KIF3B: variants seen among roughly 807,000 people sequenced by gnomAD.
The protein encoded by KIF3B is kinesin family member 3B.
KIF3B carries 38 observed loss-of-function variants against 74.3 expected under a neutral mutation model. The ratio of observed to expected loss-of-function variants is 0.51; its 90% CI spans 0.39 to 0.67. The LOEUF (loss-of-function observed/expected upper bound fraction) is 0.67, where lower values mean the gene tolerates loss of function less well. Among genes scored for constraint, KIF3B ranks in the 30% least tolerant of loss-of-function variants. KIF3B has a pLI of 0.00. For missense variants in KIF3B, 649 were observed against 932.0 expected (o/e 0.70, Z 3.95); for synonymous variants, 326 against 342.5 (o/e 0.95, Z 0.53).
At chr20:32,293,306 A>G (rs914959059) in intron 1 of KIF3B, among the ~76,000 whole-genome samples, 2 of 151,852 alleles carry the variant, frequency 1.3e-5, no homozygotes, top group Non-Finnish European at 2.9e-5. Context: ...AAAAGAAAGG[A>G]AAAAGAAGCA....
intron 5 of KIF3B, among the ~76,000 whole-genome samples, chr20:32,323,066 ATATT>A (rs1490126225): frequency 9.7e-5 from 3 of 30,818 alleles, no homozygotes. Context: ...ATATTTATAT[ATATT>A]TATATATTTA....
chr20:32,327,667 A>G lies in KIF3B; in HGVS notation c.1968+6A>G. On this transcript the variant is annotated splice_donor_region_variant and intron_variant, in intron 7 of 8. Coordinates refer to ENST00000375712, the MANE Select transcript of KIF3B (RefSeq NM_004798.4). ...GTCCAGAGGCCCGATATAGGGTGAG[A>G]AGATCCTTCTTGGGTTTTTCTCCTG... 1 of 1,607,968 alleles carries G rather than the reference A, an allele frequency of 6.2e-7. No individual in the cohort carries two copies. The highest frequency in any genetic ancestry group is 8.5e-7 in the Non-Finnish European group (1 of 1,175,106).
chr20:32,327,804 A>T (rs2047911606), intron 7 of KIF3B, 143 bp downstream of exon 7: 1 of 533,538 alleles, frequency 1.9e-6, no homozygotes, highest in South Asian at 2.2e-5. Context: ...ATTATAACAA[A>T]TAATAAATAA....
intron 1 of KIF3B, among the ~76,000 whole-genome samples, chr20:32,296,601 A>T (rs886891082): frequency 6.7e-6 from 1 of 149,194 alleles, no homozygotes; most frequent in Non-Finnish European, 1.5e-5. Context: ...CGGTCTGAAG[A>T]AAAAAAAAAG....
chr20:32,296,227 T>C (rs1310250151), intron 1 of KIF3B, among the ~76,000 whole-genome samples: 2 of 152,092 alleles, frequency 1.3e-5, no homozygotes, highest in African/African-American at 4.8e-5. Flanking sequence ...GAAAAATGAG[T>C]AACCCCTGTA....
At chr20:32,285,319 TCTAAGCTGTTTCTTGA>T (rs1282037211) in intron 1 of KIF3B, among the ~76,000 whole-genome samples, 1 of 152,126 alleles carries the variant, frequency 6.6e-6, no homozygotes, top group Non-Finnish European at 1.5e-5. Flanking sequence ...GTCATTTAGC[TCTAAGCTGTTTCTTGA>T]TTCTGGTGAT....
At chr20:32,307,847 A>G (rs1244785636) in intron 1 of KIF3B, among the ~76,000 whole-genome samples, 1 of 147,118 alleles carries the variant, frequency 6.8e-6, no homozygotes, top group African/African-American at 2.5e-5. Context: ...TGAACCCAGG[A>G]GGCGGAGCTT....
Position 32,321,428 on chromosome 20 carries a change from C to CAA in KIF3B, c.1748+4567_1748+4568dup, listed in dbSNP as rs566740586. The stretch of plus-strand genomic sequence containing the variant: ...TGGGCAACAGAGCAAGACTCTGTCT[C>CAA]AAAAAAAAAAAAAAGAAAGTCAGTT... On this transcript the variant is annotated intron_variant, in intron 5 of 8. Transcript: ENST00000375712. Among the ~76,000 whole-genome samples, 472 of 125,860 alleles carry CAA rather than the reference C, an allele frequency of 3.8e-3. 2 individuals carry two copies. Among genetic ancestry groups the CAA allele is most frequent in the African/African-American group, 0.012 (450 of 36,504 alleles). The allele number at this position is 125,860 out of a possible 152,430, so 82.6% of individuals were successfully genotyped here.
At chr20:32,321,440 AAAG>A (rs2047859714) in intron 5 of KIF3B, among the ~76,000 whole-genome samples, 1 of 151,794 alleles carries the variant, frequency 6.6e-6, no homozygotes, top group Admixed American at 6.6e-5. Flanking sequence ...AAAAAAAAAA[AAAG>A]AAAGTCAGTT....
intron 1 of KIF3B, among the ~76,000 whole-genome samples, chr20:32,298,970 C>G (rs1310481617): frequency 2.0e-5 from 3 of 152,168 alleles, no homozygotes; most frequent in Non-Finnish European, 2.9e-5. Flanking sequence ...TCCTATCCCA[C>G]TTTTTAGTAC....
chr20:32,329,167 C>G (rs149602154), intron 7 of KIF3B, among the ~76,000 whole-genome samples: 1 of 152,262 alleles, frequency 6.6e-6, no homozygotes, highest in East Asian at 1.9e-4. Flanking sequence ...CTCGGCCTCC[C>G]AGAGTGCTGG....
chr20:32,319,261 T>C (rs2047844676), intron 5 of KIF3B, among the ~76,000 whole-genome samples: 1 of 151,118 alleles, frequency 6.6e-6, no homozygotes, highest in South Asian at 2.1e-4. Context: ...ATGCCCGGCC[T>C]CTCCACATCC....
At chr20:32,319,186 C>A (rs2047844256) in intron 5 of KIF3B, among the ~76,000 whole-genome samples, 2 of 151,954 alleles carry the variant, frequency 1.3e-5, no homozygotes, top group African/African-American at 2.4e-5. Context: ...GTCTCAAACT[C>A]CTGGGCTCAA....
At chr20:32,288,071 T>G (rs1483199386) in intron 1 of KIF3B, among the ~76,000 whole-genome samples, 2 of 151,792 alleles carry the variant, frequency 1.3e-5, no homozygotes, top group African/African-American at 4.8e-5. Context: ...TTAGTAGAGA[T>G]AGGGTTTCAC....
intron 1 of KIF3B, among the ~76,000 whole-genome samples, chr20:32,281,229 C>T (rs2047641556): frequency 6.6e-6 from 1 of 152,146 alleles, no homozygotes. Flanking sequence ...AGATTAGGAT[C>T]TCTGTTTTAT....
chr20:32,309,678 G>A (rs1484106210), intron 1 of KIF3B, 35 bp from the exon 2 acceptor site: 25 of 1,353,154 alleles, frequency 1.8e-5, no homozygotes, highest in Admixed American at 1.3e-4. Context: ...CAATGACAAC[G>A]GTACTGTGCT....
At chr20:32,303,452 C>A (rs1321185332) in intron 1 of KIF3B, among the ~76,000 whole-genome samples, 1 of 151,856 alleles carries the variant, frequency 6.6e-6, no homozygotes, top group Admixed American at 6.6e-5. Context: ...GTGATCCCAG[C>A]TACTTGGGAG....
rs756943920 is a variant in KIF3B at position 32,310,614 on chromosome 20, C to T, written c.837C>T (p.Ile279=). The change falls in exon 2 of 9, where the codon ATC becomes ATT. Residue 279 remains isoleucine, a synonymous_variant. Transcript: ENST00000375712. This position sits in a 1 kb window ranked among gnomAD's most constrained non-coding sequence, Gnocchi z 6.5. ...NLSLSALGNV[I]SALVDGKSTH... The stretch of plus-strand genomic sequence containing the variant: ...CCCTTTCCGCTTTGGGTAATGTCAT[C>T]TCTGCTCTAGTGGACGGCAAAAGCA... 6.2e-7 allele frequency: 1 copy of T among 1,614,142 alleles called. No homozygotes were observed. Among genetic ancestry groups the T allele is most frequent in the South Asian group, 1.1e-5 (1 of 91,088 alleles).
chr20:32,292,420 A>AC lies in KIF3B; in HGVS notation c.-66+14663dup, dbSNP rs545103598. ...AGACCAGCCTGTGCAACAAAGCAAG[A>AC]CCCCCCCCAACTTCTACAAACAATT... On this transcript the variant is annotated intron_variant, in intron 1 of 8. Coordinates refer to ENST00000375712, the MANE Select transcript of KIF3B (RefSeq NM_004798.4). Among the ~76,000 whole-genome samples, 581 of 148,452 alleles carry AC rather than the reference A, an allele frequency of 3.9e-3. 4 individuals are homozygous for AC. Among genetic ancestry groups the AC allele is most frequent in the African/African-American group, 0.013 (521 of 40,310 alleles).
Sources: allele counts gnomAD v4.1 joint callset (sites outside exome capture counted in the v4.1 genomes callset), GRCh38; gene constraint gnomAD v4.1.1; non-coding constraint Gnocchi (gnomAD v3.1); transcripts MANE v1.5; gene names NCBI Gene and HGNC (gene_info 2026-07-23, HGNC 2026-07-21).